The following SPATS2L variants were observed in gnomAD, a reference collection of about 807,000 sequenced individuals.
SPATS2L encodes SPATS2-like protein.
A neutral mutation model predicts 59.6 loss-of-function variants in SPATS2L; 30 were observed. The observed-to-expected ratio is 0.50, with a 90% CI of 0.38 to 0.68. The LOEUF (loss-of-function observed/expected upper bound fraction) is 0.68. SPATS2L is among the 30% of genes least tolerant of loss of function. The probability of loss-of-function intolerance (pLI) is 0.00; values close to 1 mark genes in which losing one functional copy is unlikely to be tolerated. For missense variants in SPATS2L, 615 were observed against 700.0 expected (o/e 0.88, Z 1.37); for synonymous variants, 252 against 263.5 (o/e 0.96, Z 0.42).
At chr2:200,446,655 C>T (rs1302790710) in intron 8 of SPATS2L, among the ~76,000 whole-genome samples, 1 of 152,098 alleles carries the variant, frequency 6.6e-6, no homozygotes, top group Non-Finnish European at 1.5e-5. Context: ...AAGAGTGCCT[C>T]ATTTGTCCTG....
chr2:200,403,341 A>T (rs546152495), intron 3 of SPATS2L, among the ~76,000 whole-genome samples: 7 of 152,246 alleles, frequency 4.6e-5, no homozygotes. Context: ...GAAAAATTGC[A>T]GAAGAGCACG....
At chr2:200,311,343 G>A (rs1303286640) in intron 1 of SPATS2L, among the ~76,000 whole-genome samples, 1 of 152,150 alleles carries the variant, frequency 6.6e-6, no homozygotes, top group African/African-American at 2.4e-5. Flanking sequence ...AGAATTCTGA[G>A]GACTCGGCAT....
intron 8 of SPATS2L, among the ~76,000 whole-genome samples, chr2:200,448,802 G>A (rs528328946): frequency 1.1e-3 from 162 of 152,244 alleles, no homozygotes; most frequent in Admixed American, 2.2e-3. Flanking sequence ...AGAGTATGGG[G>A]ATGAACATTT....
Position 200,372,519 on chromosome 2 carries a change from T to C in SPATS2L, c.-22-16704T>C, listed in dbSNP as rs564630166. Among the ~76,000 whole-genome samples, 10 of 152,224 alleles carry C rather than the reference T, an allele frequency of 6.6e-5. No homozygotes were observed. In the South Asian group the frequency reaches 2.1e-3, roughly 32 times the overall value. ...CAAAATTTAACGCACTGAGAAAATG[T>C]TGTTCCTCCCATTGATAATTTTCCT... On this transcript the variant is annotated intron_variant, in intron 2 of 12. Coordinates refer to ENST00000409140, the MANE Select transcript of SPATS2L (RefSeq NM_001100423.2).
chr2:200,393,363 C>T (rs2082229940), intron 3 of SPATS2L: 1 of 456,548 alleles, frequency 2.2e-6, no homozygotes, highest in East Asian at 6.9e-5. Context: ...TGTTAGCACA[C>T]AGATCACAGA....
At chr2:200,462,263 G>A (rs1466116498) in intron 9 of SPATS2L, among the ~76,000 whole-genome samples, 1 of 152,200 alleles carries the variant, frequency 6.6e-6, no homozygotes, top group African/African-American at 2.4e-5. Flanking sequence ...TCCTTCTTGA[G>A]ACATGATAGT....
At chr2:200,457,221 C>G (rs1163919259) in intron 8 of SPATS2L, among the ~76,000 whole-genome samples, 1 of 41,126 alleles carries the variant, frequency 2.4e-5, no homozygotes, top group African/African-American at 8.0e-5. Flanking sequence ...TGAAAACATA[C>G]ATACACACAC....
chr2:200,481,790 C>T lies in SPATS2L; in HGVS notation c.*3759C>T, dbSNP rs1463259647. ...CCGCCTCCCGGGTTCACGCCATTCT[C>T]CTGCCTCAGCCTCCCGAGTAGCTGG... On this transcript the variant is annotated 3_prime_UTR_variant, in exon 13 of 13. Coordinates refer to ENST00000409140, the MANE Select transcript of SPATS2L (RefSeq NM_001100423.2). The T allele has an allele frequency of 4.6e-5, 7 of 152,394 alleles. No individual in the cohort carries two copies. The highest frequency in any genetic ancestry group is 1.3e-4 in the Admixed American group (2 of 15,306). The allele number at this position is 152,394 out of a possible 1,614,324, so 9.4% of individuals were successfully genotyped here. A position where few individuals can be genotyped will look rare whatever the true frequency, so the allele number is the denominator to read the frequency against.
At chr2:200,471,246 CT>C (rs919972661) in intron 11 of SPATS2L, among the ~76,000 whole-genome samples, 2 of 152,236 alleles carry the variant, frequency 1.3e-5, no homozygotes, top group African/African-American at 4.8e-5. Flanking sequence ...GATTTTCTGA[CT>C]GCATTTTTAA....
intron 1 of SPATS2L, among the ~76,000 whole-genome samples, chr2:200,325,412 T>C (rs1431677340): frequency 6.6e-6 from 1 of 152,204 alleles, no homozygotes; most frequent in Non-Finnish European, 1.5e-5. Flanking sequence ...AGAGTCTCAC[T>C]CTGTTACCTA....
intron 1 of SPATS2L, among the ~76,000 whole-genome samples, chr2:200,317,066 T>G (rs1004430015): frequency 1.3e-5 from 2 of 152,160 alleles, no homozygotes; most frequent in African/African-American, 4.8e-5. Flanking sequence ...ATGAGAAAGG[T>G]GGCCGCCTTT....
At chr2:200,400,676 A>AT (rs1363339750) in intron 3 of SPATS2L, among the ~76,000 whole-genome samples, 6 of 152,044 alleles carry the variant, frequency 3.9e-5, no homozygotes, top group Admixed American at 6.5e-5. Context: ...CAATTTTACT[A>AT]TTTTTTTTAG....
chr2:200,314,647 G>C (rs1395466122), intron 1 of SPATS2L, among the ~76,000 whole-genome samples: 3 of 152,092 alleles, frequency 2.0e-5, no homozygotes, highest in East Asian at 1.9e-4. Context: ...GGTCCCCACT[G>C]TCTGCCCCTG....
intron 5 of SPATS2L, among the ~76,000 whole-genome samples, chr2:200,416,882 G>A (rs1177735521): frequency 6.6e-6 from 1 of 152,128 alleles, no homozygotes; most frequent in Admixed American, 6.6e-5. Flanking sequence ...GAATTCTAAG[G>A]TAGATCATTA....
intron 1 of SPATS2L, among the ~76,000 whole-genome samples, chr2:200,318,785 G>A (rs1217604075): frequency 6.6e-6 from 1 of 152,136 alleles, no homozygotes; most frequent in Non-Finnish European, 1.5e-5. Flanking sequence ...ACGGAAAATG[G>A]ATACTGTGGT....
chr2:200,382,119 G>A (rs887522616), intron 2 of SPATS2L, among the ~76,000 whole-genome samples: 1 of 152,110 alleles, frequency 6.6e-6, no homozygotes, highest in African/African-American at 2.4e-5. Flanking sequence ...GCAGTGACAT[G>A]ATCTTAGCTC....
At chr2:200,361,898 A>G (rs1016500801) in intron 2 of SPATS2L, among the ~76,000 whole-genome samples, 1 of 152,182 alleles carries the variant, frequency 6.6e-6, no homozygotes, top group African/African-American at 2.4e-5. Flanking sequence ...GGGTATTAGG[A>G]CATTTATACA....
chr2:200,461,100 C>T (rs2086210724), intron 9 of SPATS2L: 1 of 152,170 alleles, frequency 6.6e-6, no homozygotes, highest in African/African-American at 2.4e-5. Flanking sequence ...GCTTGAGCCA[C>T]CGCGCCCGGC....
intron 2 of SPATS2L, among the ~76,000 whole-genome samples, chr2:200,338,140 T>A (rs1329892005): frequency 6.6e-6 from 1 of 152,172 alleles, no homozygotes; most frequent in Non-Finnish European, 1.5e-5. Context: ...TCCTCCCACC[T>A]CAGCCTCCAG....
Sources: gnomAD v4.1 joint callset for allele counts (sites outside exome capture counted in the v4.1 genomes callset) on GRCh38, gnomAD v4.1.1 for gene constraint, MANE v1.5 for transcripts, NCBI Gene and HGNC (gene_info 2026-07-23, HGNC 2026-07-21) for gene names.